CNTLN: variants seen among roughly 807,000 people sequenced by gnomAD.
CNTLN encodes centlein, centrosomal protein.
Under a neutral mutation model 180.0 loss-of-function variants are expected in CNTLN, and 212 were observed. That is an observed-to-expected ratio of 1.18 (90% CI 1.05 to 1.32). CNTLN has a LOEUF of 1.32. Among genes scored for constraint, CNTLN ranks in the 40% most tolerant of loss-of-function variants. The probability of loss-of-function intolerance (pLI) is 0.00; values close to 1 mark genes in which losing one functional copy is unlikely to be tolerated. For synonymous variants in CNTLN, 722 were observed against 563.1 expected (o/e 1.28, Z -3.99); for missense variants, 2,095 against 1,610.9 (o/e 1.30, Z -5.14).
At chr9:17,422,928 C>T (rs180998828) in intron 18 of CNTLN, among the ~76,000 whole-genome samples, 2,785 of 152,250 alleles carry the variant, frequency 0.018, 83 homozygotes, top group African/African-American at 0.063. Context: ...GCCACAAATC[C>T]GCTAGGGGAT....
intron 1 of CNTLN, among the ~76,000 whole-genome samples, chr9:17,142,975 T>C (rs1818209334): frequency 6.6e-6 from 1 of 152,164 alleles, no homozygotes; most frequent in Non-Finnish European, 1.5e-5. Context: ...TCAAGGAGTT[T>C]TGATAAAAGC....
intron 6 of CNTLN, among the ~76,000 whole-genome samples, chr9:17,296,547 C>A (rs1043735355): frequency 2.6e-5 from 4 of 152,066 alleles, no homozygotes; most frequent in African/African-American, 9.7e-5. Flanking sequence ...GCTAACGTAT[C>A]TTAACTGTGA....
chr9:17,511,688 A>C, the CNTLN span, among the ~76,000 whole-genome samples: 55,772 of 151,266 alleles, frequency 0.37, 10,399 homozygotes, highest in Admixed American at 0.44. Context: ...GTGCACACCC[A>C]CACACACACA....
At chr9:17,169,647 TGAA>T (rs1266053894) in intron 2 of CNTLN, among the ~76,000 whole-genome samples, 1 of 152,202 alleles carries the variant, frequency 6.6e-6, no homozygotes, top group Non-Finnish European at 1.5e-5. Flanking sequence ...TACCATTTAT[TGAA>T]GAGACTTTCC....
chr9:17,305,548 A>G (rs1240949189), intron 7 of CNTLN, among the ~76,000 whole-genome samples: 1 of 149,724 alleles, frequency 6.7e-6, no homozygotes, highest in East Asian at 2.0e-4. Context: ...CTCTACTCTT[A>G]TTAATGGAAT....
At chr9:17,457,351 T>A (rs993544566) in intron 18 of CNTLN, among the ~76,000 whole-genome samples, 173 bp from the exon 19 acceptor site, 34 of 152,118 alleles carry the variant, frequency 2.2e-4, no homozygotes, top group Admixed American at 9.8e-4. Context: ...CATACTACTA[T>A]AAGCAAAATC....
chr9:17,302,019 C>T, intron 7 of CNTLN: 1 of 984,078 alleles, frequency 1.0e-6, no homozygotes, highest in Non-Finnish European at 1.2e-6. Flanking sequence ...GTAAATAAAG[C>T]TGCAATAAAC....
intron 11 of CNTLN, 30 bp downstream of exon 11, chr9:17,340,978 C>T (rs1485452173): frequency 6.3e-7 from 1 of 1,579,824 alleles, no homozygotes; most frequent in Non-Finnish European, 8.6e-7. Context: ...AAGGCATTTC[C>T]CTAAATATTA....
At chr9:17,302,384 A>C (rs1818432485) in intron 7 of CNTLN, among the ~76,000 whole-genome samples, 1 of 152,020 alleles carries the variant, frequency 6.6e-6, no homozygotes, top group Admixed American at 6.6e-5. Context: ...TTTTCGATAG[A>C]GACTGAGTTT....
chr9:17,255,297 A>C (rs1488489671), intron 5 of CNTLN, among the ~76,000 whole-genome samples: 1 of 151,726 alleles, frequency 6.6e-6, no homozygotes, highest in African/African-American at 2.4e-5. Flanking sequence ...GTCTTTCACT[A>C]TTGAGTATGA....
chr9:17,270,825 T>A (rs1827882326), intron 5 of CNTLN, among the ~76,000 whole-genome samples: 1 of 152,132 alleles, frequency 6.6e-6, no homozygotes, highest in African/African-American at 2.4e-5. Context: ...TTTGAATTTT[T>A]AAATTTAGAA....
chr9:17,284,312 G>C (rs951052636), intron 6 of CNTLN, among the ~76,000 whole-genome samples: 1 of 152,126 alleles, frequency 6.6e-6, no homozygotes, highest in East Asian at 1.9e-4. Context: ...CTTTTCAATT[G>C]TTTGGAATAG....
chr9:17,355,879 A>G (rs1383055262), intron 12 of CNTLN, among the ~76,000 whole-genome samples: 1 of 128,082 alleles, frequency 7.8e-6, no homozygotes, highest in Non-Finnish European at 1.7e-5. Context: ...CCTGGCCAAC[A>G]TAGTGAAAGC....
intron 8 of CNTLN, among the ~76,000 whole-genome samples, chr9:17,315,691 G>A (rs1563987636): frequency 6.6e-6 from 1 of 151,644 alleles, no homozygotes; most frequent in Non-Finnish European, 1.5e-5. Flanking sequence ...CTGTTTGCTT[G>A]AACCTTGATG....
chr9:17,159,435 A>T (rs957258328), intron 2 of CNTLN, among the ~76,000 whole-genome samples: 7 of 152,164 alleles, frequency 4.6e-5, no homozygotes, highest in African/African-American at 1.7e-4. Context: ...GGGAGGCAGC[A>T]GCCTAAGGTT....
intron 23 of CNTLN, among the ~76,000 whole-genome samples, chr9:17,470,446 G>C (rs975338202): frequency 6.6e-6 from 1 of 151,786 alleles, no homozygotes; most frequent in Non-Finnish European, 1.5e-5. Context: ...TGTTTGTTCT[G>C]GCCCTGTTGT....
intron 25 of CNTLN, among the ~76,000 whole-genome samples, chr9:17,493,915 C>T (rs1032833621): frequency 3.0e-4 from 46 of 152,294 alleles, no homozygotes; most frequent in African/African-American, 1.0e-3. Context: ...AGTCAGAAGA[C>T]CTGGGGTTGC....
At chr9:17,451,113 C>A (rs947986085) in intron 18 of CNTLN, among the ~76,000 whole-genome samples, 2 of 151,928 alleles carry the variant, frequency 1.3e-5, no homozygotes, top group South Asian at 2.1e-4. Flanking sequence ...CAGTTTTATC[C>A]CCTTTAAAAG....
At chr9:17,297,146 C>A (rs1056075157) in intron 6 of CNTLN, among the ~76,000 whole-genome samples, 1 of 152,104 alleles carries the variant, frequency 6.6e-6, no homozygotes, top group Non-Finnish European at 1.5e-5. Flanking sequence ...TGAACGTGTA[C>A]AGACTTTTTT....
Sources: gnomAD v4.1 joint callset for allele counts (sites outside exome capture counted in the v4.1 genomes callset) on GRCh38, gnomAD v4.1.1 for gene constraint, MANE v1.5 for transcripts, NCBI Gene and HGNC (gene_info 2026-07-23, HGNC 2026-07-21) for gene names.